CDH13: variants seen among roughly 807,000 people sequenced by gnomAD.
The protein encoded by CDH13 is cadherin-13.
In CDH13, 24 loss-of-function variants were observed where a neutral mutation model predicts 63.8. That is an observed-to-expected ratio of 0.38 (90% CI 0.27 to 0.53). The LOEUF (loss-of-function observed/expected upper bound fraction) is 0.53, where lower values mean the gene tolerates loss of function less well. Among genes scored for constraint, CDH13 ranks in the 20% least tolerant of loss-of-function variants. The pLI is 0.85. For missense variants in CDH13, 1,049 were observed against 903.1 expected (o/e 1.16, Z -2.07); for synonymous variants, 503 against 355.3 (o/e 1.42, Z -4.67).
chr16:83,006,873 A>G (rs1283622733), intron 2 of CDH13, among the ~76,000 whole-genome samples: 4 of 147,134 alleles, frequency 2.7e-5, no homozygotes, highest in Non-Finnish European at 4.5e-5. Flanking sequence ...TGCACATTTC[A>G]TTTTTCTTCA....
chr16:83,021,967 G>A (rs1013765433), intron 2 of CDH13, among the ~76,000 whole-genome samples: 9 of 152,188 alleles, frequency 5.9e-5, no homozygotes, highest in African/African-American at 2.2e-4. Flanking sequence ...GTTAATGAAG[G>A]CTTGAGTGAC....
intron 4 of CDH13, among the ~76,000 whole-genome samples, chr16:83,198,322 T>TACACAC (rs10547222): frequency 1.7e-3 from 239 of 144,620 alleles, no homozygotes; most frequent in Middle Eastern, 3.6e-3. Flanking sequence ...CACACACATG[T>TACACAC]ACACACACAC....
chr16:83,599,465 A>G (rs1238553355), intron 7 of CDH13, among the ~76,000 whole-genome samples: 1 of 152,244 alleles, frequency 6.6e-6, no homozygotes, highest in Non-Finnish European at 1.5e-5. Context: ...CATACTCTTT[A>G]TCCTAGTAAT....
chr16:82,884,301 A>G (rs2040808973), intron 2 of CDH13: 4 of 435,172 alleles, frequency 9.2e-6, no homozygotes, highest in South Asian at 1.6e-5. Flanking sequence ...GAGGCATGCT[A>G]TTGAGAAAAG....
chr16:83,775,458 T>C (rs368678228), intron 11 of CDH13, among the ~76,000 whole-genome samples: 1 of 149,210 alleles, frequency 6.7e-6, no homozygotes, highest in Admixed American at 7.5e-5. Context: ...CCCTACAAAC[T>C]CAGCCAGACC....
At chr16:83,707,691 G>A (rs543171433) in intron 10 of CDH13, among the ~76,000 whole-genome samples, 2 of 152,044 alleles carry the variant, frequency 1.3e-5, no homozygotes, top group African/African-American at 4.8e-5. Context: ...ATGCCGCACT[G>A]TGCTATTGAT....
chr16:83,349,340 G>T (rs764837455), intron 6 of CDH13, among the ~76,000 whole-genome samples: 14 of 152,228 alleles, frequency 9.2e-5, no homozygotes, highest in Non-Finnish European at 1.9e-4. Context: ...TGAAATTCCT[G>T]GAGGGCACTA....
chr16:83,543,343 T>C (rs541420505), intron 7 of CDH13, among the ~76,000 whole-genome samples: 1 of 152,354 alleles, frequency 6.6e-6, no homozygotes, highest in East Asian at 1.9e-4. Context: ...TTCCACCTTA[T>C]GGAGCCCAAT....
In CDH13 at chr16:83,066,257, C is replaced by G. The variant is rs144157493; in HGVS notation, c.366+34039C>G. ...CTAAGCTCTAGGGGAATCAGTTTCT[C>G]AATTTGCATGAGATACGGGAGCTTC... On this transcript the variant is annotated intron_variant, in intron 3 of 13. Coordinates refer to ENST00000567109, the MANE Select transcript of CDH13 (RefSeq NM_001257.5). 1.1e-3 allele frequency among the ~76,000 whole-genome samples: 172 copies of G among 152,288 alleles called. 2 individuals carry two copies. Among genetic ancestry groups the G allele is most frequent in the African/African-American group, 3.9e-3 (161 of 41,560 alleles).
intron 1 of CDH13, among the ~76,000 whole-genome samples, chr16:82,682,985 T>C (rs1468849982): frequency 6.6e-6 from 1 of 152,184 alleles, no homozygotes; most frequent in Non-Finnish European, 1.5e-5. Flanking sequence ...AGCTCTGAAT[T>C]AGACCTCGGG....
rs140316250 is a variant in CDH13, at chr16:82,833,354, T to C, written c.46-25008T>C. On this transcript the variant is annotated intron_variant, in intron 1 of 13. Transcript: ENST00000567109. ...TGGAGGTATCCAACTTCAGCTCTTA[T>C]GGAAAAGAAAGTGCCTCTGTGGAAG... Among the ~76,000 whole-genome samples, 127 of 152,320 alleles carry C rather than the reference T, an allele frequency of 8.3e-4. 1 individual carries two copies. Among genetic ancestry groups the C allele is most frequent in the Middle Eastern group, 6.8e-3 (2 of 294 alleles).
At position 83,105,495 on chromosome 16, in the gene CDH13, C is replaced by T. The variant is rs564570617; in HGVS notation, c.367-19890C>T. 5.3e-5 allele frequency among the ~76,000 whole-genome samples: 8 copies of T among 152,230 alleles called. No homozygotes were observed. The East Asian group carries it at 5.8e-4, about 11-fold the overall frequency. On this transcript the variant is annotated intron_variant, in intron 3 of 13. Transcript: ENST00000567109. ...GAGGAGAACAGTGTCCCTTCCAATC[C>T]GATGAGTAAATGCCTCAGGTGTTAG...
intron 1 of CDH13, among the ~76,000 whole-genome samples, chr16:82,637,137 C>G (rs193258540): frequency 2.0e-5 from 3 of 152,278 alleles, no homozygotes; most frequent in Admixed American, 2.0e-4. Context: ...GGCCAGGATC[C>G]TACAGCTGTC....
intron 4 of CDH13, among the ~76,000 whole-genome samples, chr16:83,180,605 G>C (rs922919241): frequency 3.3e-5 from 5 of 152,182 alleles, no homozygotes; most frequent in African/African-American, 1.2e-4. Flanking sequence ...TGAAGTGTGT[G>C]CTTTGTACAT....
rs115416459 is a variant in CDH13, at chr16:83,188,932, A to T, written c.484-28413A>T. Among the ~76,000 whole-genome samples, 563 of 152,128 alleles carry T rather than the reference A, an allele frequency of 3.7e-3. 4 individuals carry two copies. The highest frequency in any genetic ancestry group is 0.013 in the African/African-American group (547 of 41,510). On this transcript the variant is annotated intron_variant, in intron 4 of 13. Coordinates refer to ENST00000567109, the MANE Select transcript of CDH13 (RefSeq NM_001257.5). Reference sequence around the variant, plus strand: ...TGGGAAGAGGCACGCTTGGAGTGAGACCCTTCAGGAAGCCTCTGTTTTTAA... The same window carrying T: ...TGGGAAGAGGCACGCTTGGAGTGAGTCCCTTCAGGAAGCCTCTGTTTTTAA...
chr16:83,106,181 A>T (rs1237981211), intron 3 of CDH13, among the ~76,000 whole-genome samples: 1 of 152,240 alleles, frequency 6.6e-6, no homozygotes, highest in African/African-American at 2.4e-5. Context: ...AAAGCAAATG[A>T]AACTCTACCT....
chr16:82,684,331 G>T (rs1382191034), intron 1 of CDH13, among the ~76,000 whole-genome samples: 1 of 152,078 alleles, frequency 6.6e-6, no homozygotes, highest in African/African-American at 2.4e-5. Context: ...AATGTCTCTG[G>T]GTCATCAGTC....
chr16:83,649,115 C>T (rs747927801), intron 8 of CDH13, among the ~76,000 whole-genome samples: 1 of 152,220 alleles, frequency 6.6e-6, no homozygotes, highest in Non-Finnish European at 1.5e-5. Context: ...CCAGCCTCCT[C>T]GCCCCCCATT....
chr16:83,699,774 C>G (rs1905937206), intron 10 of CDH13, among the ~76,000 whole-genome samples: 1 of 152,186 alleles, frequency 6.6e-6, no homozygotes, highest in Non-Finnish European at 1.5e-5. Flanking sequence ...ACCTGAGACC[C>G]TGGAAAGCCC....
Sources: allele counts gnomAD v4.1 joint callset (sites outside exome capture counted in the v4.1 genomes callset), GRCh38; gene constraint gnomAD v4.1.1; transcripts MANE v1.5; gene names NCBI Gene and HGNC (gene_info 2026-07-23, HGNC 2026-07-21).